PIR: variants seen among roughly 807,000 people sequenced by gnomAD.
The protein encoded by PIR is pirin (iron-binding nuclear protein).
Under a neutral mutation model 24.2 loss-of-function variants are expected in PIR, and 22 were observed. That is an observed-to-expected ratio of 0.91 (90% CI 0.65 to 1.30). The LOEUF (loss-of-function observed/expected upper bound fraction) is 1.30, where lower values mean the gene tolerates loss of function less well. Among genes scored for constraint, PIR ranks in the 50% most tolerant of loss-of-function variants. The pLI is 0.00. For missense variants in PIR, 220 were observed against 220.3 expected, an observed-to-expected ratio of 1.00 and a Z score of 0.01; for synonymous variants, 80 against 79.6, an observed-to-expected ratio of 1.00 and a Z score of -0.03.
intron 6 of PIR, among the ~76,000 whole-genome samples, chrX:15,408,469 AAG>A (rs1414982302): frequency 9.0e-6 from 1 of 111,713 alleles, no homozygotes; most frequent in Non-Finnish European, 1.9e-5. Context: ...CTTTTCTGGA[AAG>A]AGAGTATATA....
intron 3 of PIR, among the ~76,000 whole-genome samples, chrX:15,469,284 T>C (rs752797599): frequency 8.9e-6 from 1 of 111,976 alleles, no homozygotes; most frequent in Admixed American, 9.5e-5. Flanking sequence ...AATAAATTTA[T>C]CTCTAGGAAA....
intron 5 of PIR, among the ~76,000 whole-genome samples, chrX:15,445,820 CTTTTTTTTTT>C (rs1192838504): frequency 5.7e-4 from 37 of 64,919 alleles, no homozygotes; most frequent in Non-Finnish European, 9.2e-4. Context: ...CAAGATATTT[CTTTTTTTTTT>C]TTTTTTTTTT....
rs931333864 is a variant in PIR at position 15,419,436 on chromosome X, C to T, written c.565+6470G>A. 2.9e-5 allele frequency among the ~76,000 whole-genome samples: 3 copies of T among 103,155 alleles called. No homozygotes were observed. The South Asian group carries it at 1.3e-3, about 45-fold the overall frequency. 89.6% of individuals were successfully genotyped at this position (103,155 alleles called of 115,157 possible). A position where few individuals can be genotyped will look rare whatever the true frequency, so the allele number is the denominator to read the frequency against. On this transcript the variant is annotated intron_variant, in intron 6 of 9. Transcript: ENST00000380420. ...AGGGAGAGAGAGAGAGAGATACAGA[C>T]AGACAGACTGAGAAAGAGAGAACAC...
chrX:15,459,719 C>T lies in PIR; in HGVS notation c.211G>A (p.Gly71Ser), dbSNP rs1248681779. Residue 71 changes from glycine to serine, a missense_variant, in exon 4 of 10, where the codon GGC becomes AGC. Gly to Ser is a moderately conservative substitution (Grantham distance 56, BLOSUM62 0). Coordinates refer to ENST00000380420, the MANE Select transcript of PIR (RefSeq NM_001018109.3). The stretch of plus-strand genomic sequence containing the variant: ...CAGAAGTCTTCATGGGCCATGCTGC[C>T]CCCTTCCAGGAGGTAGGATACCTTT... ...FETVSYLLEGGSMAHEDFCGH... is the reference protein window; with the variant it reads ...FETVSYLLEGSSMAHEDFCGH... The T allele has an allele frequency of 6.8e-6, 8 of 1,183,485 alleles. No individual in the cohort carries two copies. The South Asian group carries it at 7.1e-5, about 11-fold the overall frequency.
intron 9 of PIR, among the ~76,000 whole-genome samples, chrX:15,387,754 TG>T (rs1415965404): frequency 4.5e-5 from 5 of 111,737 alleles, no homozygotes; most frequent in African/African-American, 1.6e-4. Flanking sequence ...AACTGTTTTC[TG>T]TAAGAATGGT....
intron 3 of PIR, among the ~76,000 whole-genome samples, chrX:15,462,954 C>T (rs1334408993): frequency 8.9e-6 from 1 of 111,993 alleles, no homozygotes; most frequent in African/African-American, 3.2e-5. Context: ...AGCTTATATT[C>T]TCATGAGGAA....
intron 3 of PIR, among the ~76,000 whole-genome samples, chrX:15,461,175 C>T (rs970646311): frequency 1.8e-5 from 2 of 111,567 alleles, no homozygotes; most frequent in African/African-American, 6.5e-5. Flanking sequence ...AGAGACAGCT[C>T]CTGTTGAACC....
intron 8 of PIR, among the ~76,000 whole-genome samples, chrX:15,396,004 C>G (rs190131149): frequency 9.0e-6 from 1 of 111,570 alleles, no homozygotes; most frequent in Non-Finnish European, 1.9e-5. Flanking sequence ...TTCTGGTGTT[C>G]TGTTTTAGCT....
At chrX:15,464,469 G>A (rs1238724569) in intron 3 of PIR, 1 of 735,474 alleles carries the variant, frequency 1.4e-6, no homozygotes, top group Non-Finnish European at 1.6e-6. Flanking sequence ...TGAATATCTT[G>A]TTCCCTGCTT....
intron 6 of PIR, among the ~76,000 whole-genome samples, chrX:15,420,771 A>C (rs1486573345): frequency 9.0e-6 from 1 of 111,146 alleles, no homozygotes; most frequent in Non-Finnish European, 1.9e-5. Flanking sequence ...CAGGAGTTCG[A>C]GGTTGCAGTG....
At chrX:15,488,867 A>G (rs780659617) in intron 2 of PIR, among the ~76,000 whole-genome samples, 8 of 111,794 alleles carry the variant, frequency 7.2e-5, no homozygotes, top group Non-Finnish European at 1.5e-4. Flanking sequence ...GGACTGCTAA[A>G]AAGTTATATC....
At chrX:15,455,729 T>A (rs1362251926) in intron 5 of PIR, 119 bp downstream of exon 5, 1 of 567,833 alleles carries the variant, frequency 1.8e-6, no homozygotes, top group Non-Finnish European at 2.9e-6. Context: ...CAACTATGAA[T>A]CAAGTCCATC....
chrX:15,403,505 C>T lies in PIR; in HGVS notation c.610+4001G>A, dbSNP rs1924455401. On this transcript the variant is annotated intron_variant, in intron 7 of 9. Coordinates refer to ENST00000380420, the MANE Select transcript of PIR (RefSeq NM_001018109.3). ...TCTGCATTAATGTGTAAAGTAATTT[C>T]CAGCACAGCTGCAGGGAAGAGATTT... Among the ~76,000 whole-genome samples the T allele has an allele frequency of 2.7e-5, 3 of 112,014 alleles. No homozygotes were observed. The South Asian group carries it at 1.1e-3, about 41-fold the overall frequency.
At chrX:15,473,748 G>C (rs1290354481) in intron 3 of PIR, among the ~76,000 whole-genome samples, 1 of 111,571 alleles carries the variant, frequency 9.0e-6, no homozygotes, top group African/African-American at 3.3e-5. Context: ...GTGGAGACAA[G>C]GTTTCACCAT....
chrX:15,488,262 G>A (rs1199112437), intron 2 of PIR, among the ~76,000 whole-genome samples: 6 of 78,419 alleles, frequency 7.7e-5, no homozygotes, highest in African/African-American at 3.1e-4. Context: ...TGGGCAACAA[G>A]AGCGAAACTC....
chrX:15,454,374 T>G (rs186533758), intron 5 of PIR, among the ~76,000 whole-genome samples: 2 of 110,962 alleles, frequency 1.8e-5, no homozygotes, highest in African/African-American at 6.6e-5. Flanking sequence ...TCAGGTATGC[T>G]TAACTTTGTG....
intron 2 of PIR, among the ~76,000 whole-genome samples, chrX:15,488,417 T>C (rs1237801289): frequency 1.8e-5 from 2 of 110,703 alleles, no homozygotes; most frequent in East Asian, 2.8e-4. Flanking sequence ...TGGTAGTATG[T>C]AGAGTGCAAA....
intron 7 of PIR, among the ~76,000 whole-genome samples, chrX:15,405,455 G>T (rs1924524783): frequency 8.9e-6 from 1 of 112,099 alleles, no homozygotes; most frequent in South Asian, 3.7e-4. Flanking sequence ...GCCTTGCAAA[G>T]ATGAAAATAT....
chrX:15,455,829 A>T lies in PIR; in HGVS notation c.480+19T>A, dbSNP rs1921058171. 3 of 1,173,459 alleles carry T rather than the reference A, an allele frequency of 2.6e-6. No individual in the cohort carries two copies. The East Asian group carries it at 8.9e-5, about 35-fold the overall frequency. On this transcript the variant is annotated intron_variant, in intron 5 of 9. Coordinates refer to ENST00000380420, the MANE Select transcript of PIR (RefSeq NM_001018109.3). ...TCACTGCATGCCTCAGGTTAAATAG[A>T]CACAATAGCCTGGCTTACCTTTATT...
Sources: allele counts gnomAD v4.1 joint callset (sites outside exome capture counted in the v4.1 genomes callset), GRCh38; gene constraint gnomAD v4.1.1; transcripts MANE v1.5; gene names NCBI Gene and HGNC (gene_info 2026-07-23, HGNC 2026-07-21).